Variants in WWOX observed in about 807,000 individuals in gnomAD.
WWOX encodes the protein WW domain-containing oxidoreductase.
WWOX carries 69 observed loss-of-function variants against 46.2 expected under a neutral mutation model. That is an observed-to-expected ratio of 1.49 (90% confidence interval 1.23 to 1.82). WWOX has a LOEUF of 1.82. Among genes scored for constraint, WWOX ranks in the 40% most tolerant of loss-of-function variants. WWOX has a pLI of 0.00. For missense variants in WWOX, 919 were observed against 542.6 expected, an observed-to-expected ratio of 1.69 and a Z score of -6.89; for synonymous variants, 359 against 202.6, an observed-to-expected ratio of 1.77 and a Z score of -6.56.
chr16:78,693,614 G>A (rs1304771071), intron 8 of WWOX, among the ~76,000 whole-genome samples: 1 of 152,200 alleles, frequency 6.6e-6, no homozygotes, highest in Non-Finnish European at 1.5e-5. Context: ...CACCTGTCGG[G>A]AACATTTGGC....
chr16:78,813,506 A>G (rs2051250664), intron 8 of WWOX, among the ~76,000 whole-genome samples: 1 of 152,142 alleles, frequency 6.6e-6, no homozygotes, highest in African/African-American at 2.4e-5. Context: ...TTAGAGAGAT[A>G]TATAATGATG....
intron 8 of WWOX, among the ~76,000 whole-genome samples, chr16:78,569,189 G>A (rs1318304092): frequency 6.6e-6 from 1 of 152,184 alleles, no homozygotes; most frequent in Non-Finnish European, 1.5e-5. Flanking sequence ...ACTTTCTGTA[G>A]CAAAGATGTA....
chr16:78,139,323 G>A (rs2033906452), intron 4 of WWOX, among the ~76,000 whole-genome samples: 1 of 152,142 alleles, frequency 6.6e-6, no homozygotes, highest in African/African-American at 2.4e-5. Flanking sequence ...AGAGGGTGTT[G>A]CTTTTCTAAT....
chr16:78,367,111 C>T (rs961577379), intron 5 of WWOX, among the ~76,000 whole-genome samples: 1 of 151,486 alleles, frequency 6.6e-6, no homozygotes, highest in Non-Finnish European at 1.5e-5. Flanking sequence ...TCCTAAGTAG[C>T]TGGTACTACA....
chr16:78,705,392 G>T (rs2048308760), intron 8 of WWOX, among the ~76,000 whole-genome samples: 1 of 152,168 alleles, frequency 6.6e-6, no homozygotes, highest in Non-Finnish European at 1.5e-5. Context: ...TCTTTGGGGA[G>T]AATATAAAAA....
chr16:78,424,331 G>T (rs972166528), intron 6 of WWOX, among the ~76,000 whole-genome samples: 7 of 151,944 alleles, frequency 4.6e-5, no homozygotes, highest in African/African-American at 1.5e-4. Context: ...TGTTGGTCAG[G>T]CTGGTCTCAA....
At chr16:79,073,615 C>T (rs748737862) in intron 8 of WWOX, among the ~76,000 whole-genome samples, 13 of 152,150 alleles carry the variant, frequency 8.5e-5, no homozygotes, top group Non-Finnish European at 1.5e-4. Flanking sequence ...AATGTCTGTT[C>T]TCCCTTTATT....
At chr16:78,266,418 C>T (rs934987183) in intron 5 of WWOX, among the ~76,000 whole-genome samples, 1 of 152,140 alleles carries the variant, frequency 6.6e-6, no homozygotes, top group African/African-American at 2.4e-5. Context: ...GACTATATGG[C>T]CCATAAAGCC....
At chr16:78,629,266 G>A (rs902158276) in intron 8 of WWOX, among the ~76,000 whole-genome samples, 1 of 151,534 alleles carries the variant, frequency 6.6e-6, no homozygotes, top group Non-Finnish European at 1.5e-5. Flanking sequence ...AAGGGATGGG[G>A]TCATAAGACA....
chr16:78,215,590 T>C (rs2036692893), intron 5 of WWOX, among the ~76,000 whole-genome samples: 1 of 152,188 alleles, frequency 6.6e-6, no homozygotes, highest in South Asian at 2.1e-4. Context: ...CTTTCCTTTA[T>C]ACATTACCCA....
chr16:78,470,550 G>C (rs2084197829), intron 8 of WWOX, among the ~76,000 whole-genome samples: 1 of 152,052 alleles, frequency 6.6e-6, no homozygotes, highest in Non-Finnish European at 1.5e-5. Flanking sequence ...GTATGTTTGA[G>C]ACAGAATCTT....
intron 8 of WWOX, among the ~76,000 whole-genome samples, chr16:79,174,150 C>T (rs537032857): frequency 6.8e-4 from 103 of 152,250 alleles, no homozygotes; most frequent in Non-Finnish European, 1.2e-3. Context: ...AGGTTAGTGA[C>T]GATACCGGGA....
chr16:79,128,838 C>G (rs1485194657), intron 8 of WWOX, among the ~76,000 whole-genome samples: 1 of 152,170 alleles, frequency 6.6e-6, no homozygotes, highest in Non-Finnish European at 1.5e-5. Flanking sequence ...CTAGAACACT[C>G]TGCAGAGTAT....
chr16:78,456,011 A>G (rs1177948853), intron 8 of WWOX, among the ~76,000 whole-genome samples: 4 of 152,200 alleles, frequency 2.6e-5, no homozygotes, highest in African/African-American at 9.7e-5. Context: ...TCTATTTCTC[A>G]TGCTGATTCT....
intron 8 of WWOX, among the ~76,000 whole-genome samples, chr16:78,857,411 C>T (rs533464557): frequency 1.3e-5 from 2 of 152,216 alleles, no homozygotes; most frequent in Non-Finnish European, 2.9e-5. Flanking sequence ...AAGAGTTGTC[C>T]TGAATCTGGT....
At chr16:78,981,013 C>T (rs748418364) in intron 8 of WWOX, among the ~76,000 whole-genome samples, 1 of 152,150 alleles carries the variant, frequency 6.6e-6, no homozygotes, top group Non-Finnish European at 1.5e-5. Context: ...CTAAGAAGCG[C>T]TGTGTTGCGT....
chr16:79,056,470 G>A (rs2048264412), intron 8 of WWOX, among the ~76,000 whole-genome samples: 1 of 152,178 alleles, frequency 6.6e-6, no homozygotes, highest in Non-Finnish European at 1.5e-5. Flanking sequence ...GGTTGCCTGG[G>A]ACAAAGGCAT....
At chr16:78,457,352 C>G (rs2083843932) in intron 8 of WWOX, among the ~76,000 whole-genome samples, 1 of 152,152 alleles carries the variant, frequency 6.6e-6, no homozygotes, top group African/African-American at 2.4e-5. Flanking sequence ...TCTCTTGGTT[C>G]CTTCAAAGTA....
intron 8 of WWOX, among the ~76,000 whole-genome samples, chr16:78,742,647 T>A (rs1164827391): frequency 6.6e-6 from 1 of 152,186 alleles, no homozygotes; most frequent in Non-Finnish European, 1.5e-5. Context: ...GGTGACTCAC[T>A]CGGGGCTAAA....
Sources: gnomAD v4.1 joint callset for allele counts (sites outside exome capture counted in the v4.1 genomes callset) on GRCh38, gnomAD v4.1.1 for gene constraint, MANE v1.5 for transcripts, NCBI Gene and HGNC (gene_info 2026-07-23, HGNC 2026-07-21) for gene names.